The following NCKAP5 variants were observed in gnomAD, a reference collection of about 807,000 sequenced individuals.
The protein encoded by NCKAP5 is NCK associated protein 5.
A neutral mutation model predicts 167.0 loss-of-function variants in NCKAP5; 92 were observed. That is an observed-to-expected ratio of 0.55 (90% CI 0.47 to 0.66). NCKAP5 has a LOEUF of 0.66. Among genes scored for constraint, NCKAP5 ranks in the 30% least tolerant of loss-of-function variants. The pLI is 0.00. For missense variants in NCKAP5, 2,378 were observed against 2,315.0 expected (o/e 1.03, Z -0.56); for synonymous variants, 891 against 877.4 (o/e 1.02, Z -0.27).
In NCKAP5 at chr2:133,536,995, C is replaced by T. The variant is rs376086601; in HGVS notation, c.-61-19408G>A. 2.6e-4 allele frequency among the ~76,000 whole-genome samples: 39 copies of T among 151,888 alleles called. 1 individual carries two copies. The highest frequency in any genetic ancestry group is 2.1e-3 in the East Asian group (11 of 5,180). ...TTTTGGTAGGTTTGAGATAGGAATC[C>T]GAATTTCCTCTTTTATACATGAATC... is the stretch of plus-strand genomic sequence containing the variant. On this transcript the variant is annotated intron_variant, in intron 2 of 19. Transcript: ENST00000409261.
intron 6 of NCKAP5, among the ~76,000 whole-genome samples, chr2:133,085,560 A>G (rs921498289): frequency 6.6e-6 from 1 of 152,178 alleles, no homozygotes; most frequent in Non-Finnish European, 1.5e-5. Context: ...AGTTTGAGGT[A>G]GCATAAAAAA....
intron 11 of NCKAP5, among the ~76,000 whole-genome samples, chr2:132,849,573 C>T (rs1367028361): frequency 1.3e-5 from 2 of 152,190 alleles, no homozygotes; most frequent in Non-Finnish European, 2.9e-5. Context: ...GTTCCCCTGC[C>T]ACAGAGATGC....
chr2:133,600,333 C>T, the NCKAP5 span, among the ~76,000 whole-genome samples: 9 of 90,198 alleles, frequency 1.0e-4, no homozygotes, highest in Non-Finnish European at 2.0e-5. Flanking sequence ...GAGCTCAAAA[C>T]AAGGGAGAGA....
chr2:133,514,097 G>A (rs960471101), intron 3 of NCKAP5, among the ~76,000 whole-genome samples: 4 of 152,164 alleles, frequency 2.6e-5, no homozygotes, highest in African/African-American at 4.8e-5. Context: ...GATTTTTATC[G>A]TTATCAGAGA....
intron 11 of NCKAP5, among the ~76,000 whole-genome samples, chr2:132,811,874 C>T (rs1366992749): frequency 1.3e-5 from 2 of 152,192 alleles, no homozygotes; most frequent in African/African-American, 2.4e-5. Context: ...CCTCTGGCCA[C>T]CTTCCTGATG....
chr2:132,939,088 T>A (rs1025792804), intron 8 of NCKAP5, among the ~76,000 whole-genome samples: 1 of 152,236 alleles, frequency 6.6e-6, no homozygotes, highest in Non-Finnish European at 1.5e-5. Flanking sequence ...AAGGGAATAA[T>A]TTTTTACTGG....
intron 3 of NCKAP5, among the ~76,000 whole-genome samples, chr2:133,486,911 G>T (rs1485627751): frequency 6.6e-6 from 1 of 152,072 alleles, no homozygotes; most frequent in African/African-American, 2.4e-5. Context: ...GCTGTCATTG[G>T]CTGGGACCTT....
At chr2:133,155,646 AC>A (rs1159241971) in intron 5 of NCKAP5, among the ~76,000 whole-genome samples, 2 of 152,212 alleles carry the variant, frequency 1.3e-5, no homozygotes, top group Admixed American at 1.3e-4. Flanking sequence ...GACGACATTA[AC>A]ATTTAAACCA....
At chr2:133,530,221 G>A (rs978631674) in intron 2 of NCKAP5, among the ~76,000 whole-genome samples, 3 of 151,708 alleles carry the variant, frequency 2.0e-5, no homozygotes, top group Non-Finnish European at 2.9e-5. Flanking sequence ...CATAACAAAA[G>A]TCAACATATG....
chr2:133,347,987 C>A (rs984157214), intron 3 of NCKAP5, among the ~76,000 whole-genome samples: 1 of 152,168 alleles, frequency 6.6e-6, no homozygotes, highest in Non-Finnish European at 1.5e-5. Context: ...CTACCTTCTG[C>A]GATGGGGCAG....
intron 11 of NCKAP5, among the ~76,000 whole-genome samples, chr2:132,805,953 A>G (rs1193412440): frequency 3.9e-5 from 6 of 152,006 alleles, no homozygotes; most frequent in African/African-American, 1.4e-4. Context: ...CAGGTCTTCA[A>G]ACTCCATTCT....
At chr2:132,901,453 C>G (rs1693622539) in intron 8 of NCKAP5, among the ~76,000 whole-genome samples, 2 of 152,128 alleles carry the variant, frequency 1.3e-5, no homozygotes, top group South Asian at 4.2e-4. Context: ...CTTTTTAAAC[C>G]CGAGGAGACA....
chr2:132,676,229 C>T (rs969467091), intron 19 of NCKAP5, among the ~76,000 whole-genome samples: 29 of 150,232 alleles, frequency 1.9e-4, no homozygotes, highest in Non-Finnish European at 3.7e-4. Context: ...GTATGTATAC[C>T]GAATTGCAAT....
rs1558765143 is a variant in NCKAP5, at chr2:132,782,872, G to A, written c.3939C>T (p.Thr1313=). ...TNTAERGNSL[T]RQNSSTESSP... is the part of the protein sequence containing the mutation. ...AGCTTTCCGTGGAAGAGTTCTGCCG[G>A]GTAAGAGAATTGCCTCTCTCGGCGG... Residue 1313 remains threonine, a synonymous_variant, in exon 14 of 20, where the codon ACC becomes ACT. Transcript: ENST00000409261. The A allele has an allele frequency of 6.2e-7, 1 of 1,613,922 alleles. No individual in the cohort carries two copies. Among genetic ancestry groups the A allele is most frequent in the Admixed American group, 1.7e-5 (1 of 60,020 alleles).
intron 4 of NCKAP5, among the ~76,000 whole-genome samples, chr2:133,241,081 G>C (rs2087682851): frequency 1.3e-5 from 2 of 152,138 alleles, no homozygotes; most frequent in African/African-American, 4.8e-5. Context: ...CCTGTGACTA[G>C]CAGGCAAAGA....
chr2:133,486,643 C>T (rs1427836162), intron 3 of NCKAP5, among the ~76,000 whole-genome samples: 1 of 152,192 alleles, frequency 6.6e-6, no homozygotes, highest in African/African-American at 2.4e-5. Flanking sequence ...GAATTTACCT[C>T]ATTAGATTAT....
chr2:132,774,066 G>A (rs373305220), intron 15 of NCKAP5, among the ~76,000 whole-genome samples, 172 bp from the exon 16 acceptor site: 21 of 151,706 alleles, frequency 1.4e-4, no homozygotes, highest in East Asian at 1.2e-3. Flanking sequence ...CATTTTTTTC[G>A]TTCTACTTTT....
At chr2:133,362,414 T>C (rs1685172343) in intron 3 of NCKAP5, among the ~76,000 whole-genome samples, 1 of 152,196 alleles carries the variant, frequency 6.6e-6, no homozygotes, top group South Asian at 2.1e-4. Flanking sequence ...GGAATCATGA[T>C]GAGTCAGAGG....
intron 6 of NCKAP5, among the ~76,000 whole-genome samples, chr2:132,995,928 C>T (rs1292211785): frequency 3.3e-5 from 5 of 151,996 alleles, no homozygotes; most frequent in African/African-American, 7.2e-5. Flanking sequence ...GAGCTGAGAT[C>T]GTGCCACTGC....
Sources: gnomAD v4.1 joint callset for allele counts (sites outside exome capture counted in the v4.1 genomes callset) on GRCh38, gnomAD v4.1.1 for gene constraint, MANE v1.5 for transcripts, NCBI Gene and HGNC (gene_info 2026-07-23, HGNC 2026-07-21) for gene names.